Variants in INTU observed in about 807,000 individuals in gnomAD.
The protein encoded by INTU is inturned planar cell polarity protein, also known as protein inturned.
INTU carries 68 observed loss-of-function variants against 100.5 expected under a neutral mutation model. The ratio of observed to expected loss-of-function variants is 0.68; its 90% confidence interval spans 0.56 to 0.83. The LOEUF (loss-of-function observed/expected upper bound fraction) is 0.83. Ranked by LOEUF, INTU falls within the 40% of genes least tolerant of loss-of-function variation. INTU has a pLI of 0.00. For missense variants in INTU, 1,071 were observed against 1,114.7 expected (o/e 0.96, Z 0.56); for synonymous variants, 357 against 395.7 (o/e 0.90, Z 1.16).
At chr4:127,686,195 A>T (rs1729816587) in intron 7 of INTU, 1 of 152,222 alleles carries the variant, frequency 6.6e-6, no homozygotes, top group Non-Finnish European at 1.5e-5. Flanking sequence ...AACTGACTAT[A>T]TACTAACAGT....
chr4:127,644,006 A>G lies in INTU; in HGVS notation c.632A>G (p.His211Arg). 6.2e-7 allele frequency: 1 copy of G among 1,614,172 alleles called. No homozygotes were observed. Among genetic ancestry groups the G allele is most frequent in the South Asian group, 1.1e-5 (1 of 91,084 alleles). Reference protein sequence around the residue: ...KQGDGERLVVHGLLPGGSAMK... With the variant: ...KQGDGERLVVRGLLPGGSAMK... ...GGTGATGGAGAGAGGCTTGTGGTTCATGGCCTGCTGCCAGGGGGATCTGCT... is the reference window on the plus strand; with the variant it reads ...GGTGATGGAGAGAGGCTTGTGGTTCGTGGCCTGCTGCCAGGGGGATCTGCT... The change falls in exon 2 of 16, where the codon CAT becomes CGT. Residue 211 changes from histidine (H) to arginine (R), a missense_variant. By Grantham distance (29) the His-to-Arg change is conservative. Transcript: ENST00000335251.
At chr4:127,714,838 G>A (rs1263563220) in intron 15 of INTU, among the ~76,000 whole-genome samples, 2 of 152,034 alleles carry the variant, frequency 1.3e-5, no homozygotes, top group Non-Finnish European at 2.9e-5. Context: ...ATAGTCACTT[G>A]ATAAACATGT....
chr4:127,655,556 CA>C (rs1728153564), intron 2 of INTU, among the ~76,000 whole-genome samples: 1 of 151,618 alleles, frequency 6.6e-6, no homozygotes, highest in Non-Finnish European at 1.5e-5. Flanking sequence ...GTCAGGGACC[CA>C]CTTGAGGAGG....
chr4:127,713,708 G>A (rs1383669331), intron 14 of INTU, among the ~76,000 whole-genome samples: 3 of 152,108 alleles, frequency 2.0e-5, no homozygotes, highest in African/African-American at 4.8e-5. Flanking sequence ...ATATAGGCCT[G>A]TGAACAAAGT....
intron 6 of INTU, among the ~76,000 whole-genome samples, chr4:127,678,198 C>T (rs1186086081): frequency 6.6e-6 from 1 of 152,152 alleles, no homozygotes; most frequent in Non-Finnish European, 1.5e-5. Context: ...TCCAGGAGAA[C>T]TTCCCCAATC....
intron 5 of INTU, among the ~76,000 whole-genome samples, chr4:127,672,073 C>G (rs1182562148): frequency 6.6e-6 from 1 of 152,070 alleles, no homozygotes; most frequent in Non-Finnish European, 1.5e-5. Context: ...GATGGTTACA[C>G]TAAAAGCCCA....
intron 1 of INTU, among the ~76,000 whole-genome samples, chr4:127,642,354 C>T (rs112842845): frequency 2.6e-5 from 4 of 152,266 alleles, no homozygotes; most frequent in South Asian, 2.1e-4. Flanking sequence ...AAAAATGACT[C>T]ATATGTAGCT....
At chr4:127,715,065 T>C (rs569259633) in intron 15 of INTU, among the ~76,000 whole-genome samples, 101 of 152,264 alleles carry the variant, frequency 6.6e-4, no homozygotes, top group African/African-American at 2.2e-3. Context: ...TGTGTATACA[T>C]ATATGTAAAA....
intron 1 of INTU, 152 bp from the exon 2 acceptor site, chr4:127,643,369 G>T: frequency 3.8e-6 from 2 of 528,264 alleles, no homozygotes; most frequent in Admixed American, 7.2e-5. Flanking sequence ...CAATAAATTA[G>T]AAATAGTAAG....
chr4:127,647,683 T>G (rs1485275686), intron 2 of INTU, among the ~76,000 whole-genome samples: 1 of 151,990 alleles, frequency 6.6e-6, no homozygotes, highest in Non-Finnish European at 1.5e-5. Context: ...AAAATATGAG[T>G]TTTTTTTCTT....
chr4:127,669,970 C>A (rs138846750), intron 5 of INTU, among the ~76,000 whole-genome samples: 10 of 151,804 alleles, frequency 6.6e-5, no homozygotes, highest in Non-Finnish European at 1.5e-4. Context: ...CAGATGCATT[C>A]GTCATCAGTG....
At chr4:127,689,599 T>C (rs1730010342) in intron 8 of INTU, among the ~76,000 whole-genome samples, 1 of 151,640 alleles carries the variant, frequency 6.6e-6, no homozygotes, top group Non-Finnish European at 1.5e-5. Context: ...CACTCAATCA[T>C]AGTTGCAGTG....
intron 8 of INTU, among the ~76,000 whole-genome samples, chr4:127,698,927 T>C (rs1730517486): frequency 6.6e-6 from 1 of 152,164 alleles, no homozygotes; most frequent in South Asian, 2.1e-4. Flanking sequence ...ATTTGCTAGA[T>C]GCAGAAAAAT....
intron 1 of INTU, 66 bp downstream of exon 1, chr4:127,633,246 G>A: frequency 5.2e-6 from 8 of 1,547,168 alleles, no homozygotes; most frequent in Non-Finnish European, 5.3e-6. Flanking sequence ...ACGTGGGCTG[G>A]GGGAACTGCA....
At chr4:127,712,272 ATTTTT>A (rs998460575) in intron 14 of INTU, among the ~76,000 whole-genome samples, 1 of 151,310 alleles carries the variant, frequency 6.6e-6, no homozygotes, top group Non-Finnish European at 1.5e-5. Context: ...GTCTTGTAGG[ATTTTT>A]TTTTGAGTCC....
chr4:127,677,475 G>A (rs1208578001), intron 6 of INTU, among the ~76,000 whole-genome samples: 12 of 150,388 alleles, frequency 8.0e-5, no homozygotes, highest in South Asian at 6.2e-4. Context: ...ACCGCTGCTG[G>A]TACCCAGGCA....
At chr4:127,663,715 C>A (rs1485305440) in intron 4 of INTU, 131 bp downstream of exon 4, 5 of 647,616 alleles carry the variant, frequency 7.7e-6, no homozygotes, top group Admixed American at 3.0e-5. Context: ...AATGAATTAA[C>A]TGTTTTTCTT....
At chr4:127,654,834 A>G (rs1458892312) in intron 2 of INTU, among the ~76,000 whole-genome samples, 2 of 144,948 alleles carry the variant, frequency 1.4e-5, no homozygotes, top group East Asian at 4.0e-4. Flanking sequence ...ACTTGGTTCC[A>G]TTCTCCCCAT....
chr4:127,681,242 G>GA (rs1326438125), intron 6 of INTU, among the ~76,000 whole-genome samples: 2 of 152,110 alleles, frequency 1.3e-5, no homozygotes, highest in Admixed American at 6.5e-5. Flanking sequence ...CACAGAATTG[G>GA]AAAAAACTAC....
Sources: allele counts gnomAD v4.1 joint callset (sites outside exome capture counted in the v4.1 genomes callset), GRCh38; gene constraint gnomAD v4.1.1; transcripts MANE v1.5; gene names NCBI Gene and HGNC (gene_info 2026-07-23, HGNC 2026-07-21).